The following BICRA variants were observed in gnomAD, a reference collection of about 807,000 sequenced individuals.
BICRA encodes the protein BRD4-interacting chromatin-remodeling complex-associated protein.
A neutral mutation model predicts 96.9 loss-of-function variants in BICRA; 31 were observed. The observed-to-expected ratio is 0.32, with a 90% CI of 0.24 to 0.43. The LOEUF is 0.43. Ranked by LOEUF, BICRA falls within the 20% of genes least tolerant of loss-of-function variation. The pLI is 1.00. For synonymous variants in BICRA, 1,350 were observed against 1,071.8 expected, an observed-to-expected ratio of 1.26 and a Z score of -5.07; for missense variants, 2,283 against 2,190.3, an observed-to-expected ratio of 1.04 and a Z score of -0.84.
At chr19:47,695,158 C>T in intron 9 of BICRA, 78 bp downstream of exon 9, 4 of 987,590 alleles carry the variant, frequency 4.1e-6, no homozygotes, top group Admixed American at 2.8e-5. Context: ...GGAGAATGGG[C>T]TGGGGCAGGG....
In BICRA at chr19:47,659,726, A is replaced by ACG. The variant is rs1254196685; in HGVS notation, c.-107-10716_-107-10715insGC. ...CACACACACACACACACACACACAC[A>ACG]CACACACGTTCTCTTCTCTTCTCTC... On this transcript the variant is annotated intron_variant, in intron 1 of 14. Transcript: ENST00000594866. Among the ~76,000 whole-genome samples, 418 of 141,268 alleles carry ACG rather than the reference A, an allele frequency of 3.0e-3. 4 individuals carry two copies. The highest frequency in any genetic ancestry group is 0.01 in the African/African-American group (388 of 37,084). The allele number at this position is 141,268 out of a possible 152,430, so 92.7% of individuals were successfully genotyped here.
intron 1 of BICRA, among the ~76,000 whole-genome samples, chr19:47,653,398 G>A (rs1399253318): frequency 6.7e-6 from 1 of 150,336 alleles, no homozygotes; most frequent in African/African-American, 2.5e-5. Context: ...CATCTAAAGT[G>A]TACCAATTCA....
At chr19:47,636,502 G>A (rs1413898514) in intron 1 of BICRA, among the ~76,000 whole-genome samples, 1 of 152,150 alleles carries the variant, frequency 6.6e-6, no homozygotes, top group African/African-American at 2.4e-5. Flanking sequence ...GTGAGCTACT[G>A]CGCCCAGCCT....
intron 1 of BICRA, among the ~76,000 whole-genome samples, chr19:47,623,677 G>T (rs1972097732): frequency 6.6e-6 from 1 of 152,132 alleles, no homozygotes; most frequent in Non-Finnish European, 1.5e-5. Flanking sequence ...TGCCAGCTGA[G>T]CCTGGGGAGG....
In BICRA at chr19:47,689,333, G is replaced by A. The variant is rs190044059; in HGVS notation, c.2284-4782G>A. Among the ~76,000 whole-genome samples, 534 of 150,880 alleles carry A rather than the reference G, an allele frequency of 3.5e-3. 3 individuals are homozygous for A. Among genetic ancestry groups the A allele is most frequent in the Non-Finnish European group, 3.0e-3 (200 of 67,666 alleles). ...TGCCCAGGCTGGTCTTGAACTCCTG[G>A]GCTCAAGCAGTCCTCCTGCCTTGGC... On this transcript the variant is annotated intron_variant, in intron 7 of 14. Transcript: ENST00000594866.
chr19:47,690,748 T>G (rs1747246200), intron 7 of BICRA, among the ~76,000 whole-genome samples: 1 of 152,084 alleles, frequency 6.6e-6, no homozygotes, highest in Admixed American at 6.6e-5. Flanking sequence ...GAGTTGCAAC[T>G]GTTTTCCCCA....
chr19:47,644,197 C>CTT (rs1002764688), intron 1 of BICRA, among the ~76,000 whole-genome samples: 1 of 144,624 alleles, frequency 6.9e-6, no homozygotes, highest in African/African-American at 2.5e-5. Context: ...ATTTCTTCTT[C>CTT]TTTTTTTTTT....
chr19:47,665,318 C>T (rs1972762011), intron 1 of BICRA, among the ~76,000 whole-genome samples: 1 of 152,222 alleles, frequency 6.6e-6, no homozygotes, highest in Admixed American at 6.5e-5. Context: ...ATTTATTGAG[C>T]TCCTACTGTA....
intron 1 of BICRA, chr19:47,615,590 GTTCATATCA>G (rs879935423): frequency 0.19 from 29,615 of 152,232 alleles, 3,221 homozygotes; most frequent in Middle Eastern, 0.28. Flanking sequence ...TATTAAGTGG[GTTCATATCA>G]GTACCTACTT....
Position 47,681,029 on chromosome 19 carries a change from C to T in BICRA, c.1859C>T (p.Thr620Met), listed in dbSNP as rs1973043233. 6 of 1,435,188 alleles carry T rather than the reference C, an allele frequency of 4.2e-6. No homozygotes were observed. The highest frequency in any genetic ancestry group is 3.0e-5 in the East Asian group (1 of 33,566). 88.9% of individuals were successfully genotyped at this position (1,435,188 alleles called of 1,614,324 possible). ...AATGEAAPVLTVQPAPQAPPA... is the reference protein window; with the variant it reads ...AATGEAAPVLMVQPAPQAPPA... ...ACCGGGGAGGCCGCGCCTGTCCTCA[C>T]GGTGCAGCCTGCCCCCCAGGCGCCC... The change falls in exon 6 of 15, where the codon ACG becomes ATG. Residue 620 changes from threonine to methionine, a missense_variant. By Grantham distance (81) the Thr-to-Met change is moderately conservative (BLOSUM62 -1). Coordinates refer to ENST00000594866, the MANE Select transcript of BICRA (RefSeq NM_001394372.1).
intron 1 of BICRA, among the ~76,000 whole-genome samples, chr19:47,617,018 G>A (rs192014230): frequency 2.1e-3 from 321 of 152,144 alleles, no homozygotes; most frequent in Admixed American, 3.4e-3. Context: ...TGTAGAGCTG[G>A]TGTTTGGCCA....
At chr19:47,620,112 G>GGT (rs1568546824) in intron 1 of BICRA, among the ~76,000 whole-genome samples, 2 of 152,096 alleles carry the variant, frequency 1.3e-5, no homozygotes, top group Non-Finnish European at 2.9e-5. Flanking sequence ...CAGGGATGTT[G>GGT]GTGTGTGTGT....
intron 14 of BICRA, chr19:47,700,982 T>C: frequency 2.8e-6 from 1 of 360,674 alleles, no homozygotes; most frequent in Non-Finnish European, 5.1e-6. Flanking sequence ...CTCACTACTG[T>C]GGCCAGGCAG....
At chr19:47,613,665 G>A (rs1193009272) in intron 1 of BICRA, among the ~76,000 whole-genome samples, 1 of 152,028 alleles carries the variant, frequency 6.6e-6, no homozygotes, top group Non-Finnish European at 1.5e-5. Context: ...GTCTGAGCTA[G>A]CTCCCTGGTA....
At chr19:47,664,919 G>C (rs1011218846) in intron 1 of BICRA, among the ~76,000 whole-genome samples, 2 of 152,306 alleles carry the variant, frequency 1.3e-5, no homozygotes, top group Admixed American at 6.5e-5. Flanking sequence ...ACTGGGTGGG[G>C]GGCAGCGGAC....
In BICRA at chr19:47,702,420, G is replaced by C. The variant is rs763341510; in HGVS notation, c.*5G>C. 1.3e-6 allele frequency: 2 copies of C among 1,485,788 alleles called. No individual in the cohort carries two copies. The highest frequency in any genetic ancestry group is 1.3e-5 in the South Asian group (1 of 75,876). 92.0% of individuals were successfully genotyped at this position (1,485,788 alleles called of 1,614,324 possible). ...GCCAGGACGTTGACCAGATAACACC[G>C]GGCCGCCTCCCCTTCCCCGTCCCCT... is the stretch of plus-strand genomic sequence containing the variant. On this transcript the variant is annotated 3_prime_UTR_variant, in exon 15 of 15. Transcript: ENST00000594866.
chr19:47,696,572 A>G (rs1973346975), intron 11 of BICRA, 60 bp downstream of exon 11: 1 of 1,490,458 alleles, frequency 6.7e-7, no homozygotes, highest in African/African-American at 1.4e-5. Context: ...CTGGGGGAGC[A>G]TGGGGCCACC....
intron 10 of BICRA, 117 bp from the exon 11 acceptor site, chr19:47,696,334 C>A: frequency 2.2e-6 from 2 of 898,506 alleles, no homozygotes; most frequent in Non-Finnish European, 3.4e-6. Flanking sequence ...GCCAGGCCCC[C>A]ACCTGGGTGA....
chr19:47,680,105 C>A lies in BICRA; in HGVS notation c.935C>A (p.Ala312Asp). 6.5e-7 allele frequency: 1 copy of A among 1,540,468 alleles called. No individual in the cohort carries two copies. The highest frequency in any genetic ancestry group is 2.4e-5 in the East Asian group (1 of 41,136). Reference sequence around the variant, plus strand: ...AACTCTGTGTTCGGAGGCGCGGGGGCCGCCTCGGCTCCCACCGGGACGCCC... The same window carrying A: ...AACTCTGTGTTCGGAGGCGCGGGGGACGCCTCGGCTCCCACCGGGACGCCC... The part of the protein sequence containing the change: ...NGNSVFGGAG[A>D]ASAPTGTPSG... The change falls in exon 6 of 15, where the codon GCC becomes GAC. Residue 312 changes from alanine (A) to aspartate (D), a missense_variant. Transcript: ENST00000594866.
Sources: allele counts gnomAD v4.1 joint callset (sites outside exome capture counted in the v4.1 genomes callset), GRCh38; gene constraint gnomAD v4.1.1; transcripts MANE v1.5; gene names NCBI Gene and HGNC (gene_info 2026-07-23, HGNC 2026-07-21).